Variants in LETMD1 observed in about 807,000 individuals in gnomAD.
The protein encoded by LETMD1 is LETM1 domain containing 1.
A neutral mutation model predicts 43.9 loss-of-function variants in LETMD1; 30 were observed. The observed-to-expected ratio is 0.68, with a 90% CI of 0.51 to 0.93. The LOEUF (loss-of-function observed/expected upper bound fraction) is 0.93, where lower values mean the gene tolerates loss of function less well. Ranked by LOEUF, LETMD1 falls within the 40% of genes least tolerant of loss-of-function variation. LETMD1 has a pLI of 0.00. For missense variants in LETMD1, 413 were observed against 447.7 expected (o/e 0.92, Z 0.70); for synonymous variants, 176 against 163.1 (o/e 1.08, Z -0.60).
At chr12:51,063,741 G>A (rs372354834), downstream of LETMD1, 17 of 1,532,386 alleles carry the variant, frequency 1.1e-5, no homozygotes, top group African/African-American at 9.7e-5. Flanking sequence ...GACCTCTAGC[G>A]CCTGTCACAC....
rs1947519357 is a variant in LETMD1, at chr12:51,055,818, ATTC to A, written c.474-14_474-12del. 1 of 1,567,552 alleles carries A rather than the reference ATTC, an allele frequency of 6.4e-7. No individual in the cohort carries two copies. The highest frequency in any genetic ancestry group is 1.4e-5 in the African/African-American group (1 of 72,970). On this transcript the variant is annotated splice_polypyrimidine_tract_variant and intron_variant, in intron 4 of 8. Transcript: ENST00000262055. ...GCCAGTTTCAGCAAGTGAGTTTGTG[ATTC>A]TTTCTCCTTTCAGGTACCTGTTTCC...
the LETMD1 span, chr12:51,067,643 ATATACT>A: frequency 1.9e-6 from 3 of 1,602,428 alleles, no homozygotes; most frequent in Non-Finnish European, 2.6e-6. This position sits in a 1 kb window ranked among gnomAD's most constrained non-coding sequence, Gnocchi z 4.1. Context: ...CCTGGTGTAG[ATATACT>A]ATCTCAGGCC....
chr12:51,064,725 G>C (rs1416597287), downstream of LETMD1: 7 of 1,417,574 alleles, frequency 4.9e-6, no homozygotes, highest in South Asian at 5.1e-5. Context: ...TAACAATGGA[G>C]ACAGGAGACA....
chr12:51,056,459 C>T lies in LETMD1; in HGVS notation c.872C>T (p.Ala291Val), dbSNP rs751550297. 7.4e-6 allele frequency: 12 copies of T among 1,614,022 alleles called. No individual in the cohort carries two copies. The highest frequency in any genetic ancestry group is 1.0e-5 in the Non-Finnish European group (12 of 1,180,034). Residue 291 changes from alanine to valine, a missense_variant, in exon 7 of 9, where the codon GCA becomes GTA. Transcript: ENST00000262055. ...ATTCACCAACTGGACAAGGCTTTGGCAAAGCTGGGGATTGGCCAGCTGACT... is the reference window on the plus strand; with the variant it reads ...ATTCACCAACTGGACAAGGCTTTGGTAAAGCTGGGGATTGGCCAGCTGACT... ...TVIHQLDKAL[A>V]KLGIGQLTAQ...
At chr12:51,053,476 C>G (rs1203007703) in intron 3 of LETMD1, among the ~76,000 whole-genome samples, 1 of 152,078 alleles carries the variant, frequency 6.6e-6, no homozygotes, top group Non-Finnish European at 1.5e-5. Flanking sequence ...AACCCTGTCT[C>G]GACTAAAAAT....
chr12:51,049,150 C>G lies in LETMD1; in HGVS notation c.239C>G (p.Pro80Arg). 6.2e-7 allele frequency: 1 copy of G among 1,614,010 alleles called. No individual in the cohort carries two copies. The highest frequency in any genetic ancestry group is 8.5e-7 in the Non-Finnish European group (1 of 1,179,932). The change falls in exon 2 of 9, where the codon CCC (proline) becomes CGC (arginine). Residue 80 changes from proline (P) to arginine (R), a missense_variant. Transcript: ENST00000262055. ...CATCGTTTCTTGGGTCGTCATTTCCCCCGCTTCTATGTCCTGTACACAATC... is the reference window on the plus strand; with the variant it reads ...CATCGTTTCTTGGGTCGTCATTTCCGCCGCTTCTATGTCCTGTACACAATC... ...KYHRFLGRHF[P>R]RFYVLYTIFM...
chr12:51,068,667 C>T, the LETMD1 span, among the ~76,000 whole-genome samples: 3 of 152,154 alleles, frequency 2.0e-5, no homozygotes, highest in Admixed American at 6.5e-5. Context: ...TTTACACTCA[C>T]TTGCCTTCTA....
chr12:51,055,625 A>G, intron 4 of LETMD1: 1 of 438,994 alleles, frequency 2.3e-6, no homozygotes, highest in Non-Finnish European at 3.9e-6. Flanking sequence ...TGATCTTGCC[A>G]CTGTACTCCA....
intron 7 of LETMD1, chr12:51,057,791 A>C: frequency 2.2e-6 from 1 of 460,418 alleles, no homozygotes; most frequent in Non-Finnish European, 4.0e-6. Context: ...ACGCCTGGCT[A>C]ATTTTTGTAT....
Position 51,052,099 on chromosome 12 carries a change from GA to G in LETMD1, c.283del (p.Met95CysfsTer12). On this transcript the variant is annotated frameshift_variant, in exon 3 of 9. Coordinates refer to ENST00000262055, the MANE Select transcript of LETMD1 (RefSeq NM_015416.5). LOFTEE classifies it high-confidence loss of function. ...TCTACTTTAATGAGGCAGGATTGCA[GA>G]TGTTATGGGCTGATGCCAAAAAGGC... ...LYTIFMKGLQMLWADAKKARR... is the reference protein window; with the variant it reads ...LYTIFMKGLQXLWADAKKARR... The G allele has an allele frequency of 2.5e-6, 4 of 1,613,602 alleles. No homozygotes were observed. Among genetic ancestry groups the G allele is most frequent in the Non-Finnish European group, 3.4e-6 (4 of 1,179,768 alleles).
In LETMD1 at chr12:51,056,437, C is replaced by T; in HGVS notation, c.850C>T (p.His284Tyr). Reference protein sequence around the residue: ...HRLKTHTTVIHQLDKALAKLG... With the variant: ...HRLKTHTTVIYQLDKALAKLG... ...TTTGAAGACTCATACAACTGTGATTCACCAACTGGACAAGGCTTTGGCAAA... is the reference window on the plus strand; with the variant it reads ...TTTGAAGACTCATACAACTGTGATTTACCAACTGGACAAGGCTTTGGCAAA... The change falls in exon 7 of 9, where the codon CAC (histidine) becomes TAC (tyrosine). Residue 284 changes from histidine to tyrosine, a missense_variant. Coordinates refer to ENST00000262055, the MANE Select transcript of LETMD1 (RefSeq NM_015416.5). The T allele has an allele frequency of 6.2e-7, 1 of 1,614,196 alleles. No individual in the cohort carries two copies. The highest frequency in any genetic ancestry group is 8.5e-7 in the Non-Finnish European group (1 of 1,180,042).
In LETMD1 at chr12:51,049,291, G is replaced by A. The variant is rs189235797; in HGVS notation, c.274+106G>A. ...AGGTTCTGCTATGGGGATGTGAGCC[G>A]AGATATCTTATATTTCATAAATGCC... On this transcript the variant is annotated intron_variant, in intron 2 of 8. Coordinates refer to ENST00000262055, the MANE Select transcript of LETMD1 (RefSeq NM_015416.5). 3.1e-6 allele frequency: 3 copies of A among 956,512 alleles called. No homozygotes were observed. The Admixed American group carries it at 7.4e-5, about 24-fold the overall frequency. 59.3% of individuals were successfully genotyped at this position (956,512 alleles called of 1,614,324 possible).
chr12:51,059,118 C>T, intron 8 of LETMD1: 1 of 484,954 alleles, frequency 2.1e-6, no homozygotes, highest in Non-Finnish European at 3.8e-6. Context: ...GTACCATTAC[C>T]ATCTCTGAAT....
rs1376778495 is a variant in LETMD1 at position 51,060,304 on chromosome 12, T to C, written c.*873T>C. 1 of 152,654 alleles carries C rather than the reference T, an allele frequency of 6.6e-6. No individual in the cohort carries two copies. The highest frequency in any genetic ancestry group is 2.1e-4 in the South Asian group (1 of 4,834). The allele number at this position is 152,654 out of a possible 1,614,324, so 9.5% of individuals were successfully genotyped here. On this transcript the variant is annotated 3_prime_UTR_variant, in exon 9 of 9. Transcript: ENST00000262055. ...AGGAGAGGTCTGCATAGTTAGTAAG[T>C]TGGGTTTAGCTTTTGTGTGTGCATC... is the stretch of plus-strand genomic sequence containing the variant.
intron 2 of LETMD1, among the ~76,000 whole-genome samples, chr12:51,050,244 T>TC (rs1945618969): frequency 6.6e-6 from 1 of 151,626 alleles, no homozygotes; most frequent in African/African-American, 2.4e-5. Context: ...TTTTTTTTTT[T>TC]TTGAGTCTCA....
rs1947691873 is a variant in LETMD1, at chr12:51,056,263, T to G, written c.762+18T>G. On this transcript the variant is annotated intron_variant, in intron 6 of 8. Transcript: ENST00000262055. ...TGCACGTGGTGAGCACTTTGAGGGC[T>G]TCTCTTTTCCATAGCATCACCATGT... The G allele has an allele frequency of 1.2e-6, 2 of 1,613,826 alleles. No homozygotes were observed. Among genetic ancestry groups the G allele is most frequent in the Non-Finnish European group, 1.7e-6 (2 of 1,179,668 alleles).
chr12:51,052,174 A>G lies in LETMD1; in HGVS notation c.357A>G (p.Gln119=), dbSNP rs1946356505. ...GGAAGCACAATATAAAGTTTCATCA[A>G]CTTCCATACCGGGAGATGGAGCATT... ...NMWKHNIKFH[Q]LPYREMEHLR... The change falls in exon 3 of 9, where the codon CAA becomes CAG. Residue 119 remains glutamine (Q), a synonymous_variant. Coordinates refer to ENST00000262055, the MANE Select transcript of LETMD1 (RefSeq NM_015416.5). The G allele has an allele frequency of 6.2e-7, 1 of 1,614,010 alleles. No homozygotes were observed. Among genetic ancestry groups the G allele is most frequent in the South Asian group, 1.1e-5 (1 of 91,078 alleles).
chr12:51,067,637 G>A, the LETMD1 span: 1 of 1,594,712 alleles, frequency 6.3e-7, no homozygotes. The surrounding 1 kb of genome is among the most constrained non-coding windows in gnomAD (Gnocchi z 4.1). Context: ...GCTGACCCTG[G>A]TGTAGATATA....
intron 4 of LETMD1, chr12:51,055,584 G>A (rs1203648981): frequency 1.2e-5 from 4 of 338,120 alleles, no homozygotes; most frequent in Non-Finnish European, 2.1e-5. Context: ...AGGATTGCTT[G>A]AGCCTAGGAG....
Sources: allele counts gnomAD v4.1 joint callset (sites outside exome capture counted in the v4.1 genomes callset), GRCh38; gene constraint gnomAD v4.1.1; non-coding constraint Gnocchi (gnomAD v3.1); transcripts MANE v1.5; gene names NCBI Gene and HGNC (gene_info 2026-07-23, HGNC 2026-07-21).